The following RYR3 variants were observed in gnomAD, a reference collection of about 807,000 sequenced individuals.
RYR3 encodes brain ryanodine receptor-calcium release channel.
Under a neutral mutation model 584.3 loss-of-function variants are expected in RYR3, and 207 were observed. That is an observed-to-expected ratio of 0.35 (90% confidence interval 0.32 to 0.40). The LOEUF (loss-of-function observed/expected upper bound fraction) is 0.40, where lower values mean the gene tolerates loss of function less well. RYR3 is among the 10% of genes least tolerant of loss of function. The pLI is 1.00. For synonymous variants in RYR3, 2,416 were observed against 2,248.5 expected, an observed-to-expected ratio of 1.07 and a Z score of -2.11; for missense variants, 5,616 against 6,089.2, an observed-to-expected ratio of 0.92 and a Z score of 2.59.
rs1313860534 is a variant in RYR3 at position 33,569,434 on chromosome 15, C to G, written c.1268+2635C>G. 4.6e-5 allele frequency among the ~76,000 whole-genome samples: 7 copies of G among 152,024 alleles called. No individual in the cohort carries two copies. In the East Asian group the frequency reaches 1.3e-3, roughly 29 times the overall value. On this transcript the variant is annotated intron_variant, in intron 12 of 103. Coordinates refer to ENST00000634891, the MANE Select transcript of RYR3 (RefSeq NM_001036.6). Reference sequence around the variant, plus strand: ...CCTGTCCCTCAGCCCCTTATAACTTCTACTTACTCTCTGCTTCTATGAGTT... The same window carrying G: ...CCTGTCCCTCAGCCCCTTATAACTTGTACTTACTCTCTGCTTCTATGAGTT...
intron 2 of RYR3, among the ~76,000 whole-genome samples, chr15:33,474,196 C>G (rs1236114711): frequency 6.6e-6 from 1 of 152,114 alleles, no homozygotes; most frequent in Non-Finnish European, 1.5e-5. Flanking sequence ...CCTCTATATC[C>G]GTCAGGGTTC....
intron 45 of RYR3, among the ~76,000 whole-genome samples, chr15:33,725,975 C>CAA (rs1567033770): frequency 5.0e-4 from 5 of 10,074 alleles, no homozygotes; most frequent in East Asian, 0.026. Flanking sequence ...ATCCCCCCCC[C>CAA]CAAAAAAAAA....
At chr15:33,312,225 C>G (rs1344738416) in intron 1 of RYR3, among the ~76,000 whole-genome samples, 1 of 152,164 alleles carries the variant, frequency 6.6e-6, no homozygotes, top group Admixed American at 6.5e-5. Context: ...TAAGGGTGCC[C>G]CCTTCTCCAT....
At chr15:33,852,952 T>TCCCA in intron 94 of RYR3, 93 bp from the exon 95 acceptor site, 1 of 1,086,718 alleles carries the variant, frequency 9.2e-7, no homozygotes, top group Non-Finnish European at 1.4e-6. Context: ...ACCAGAAAGA[T>TCCCA]CCCAGATCCA....
At chr15:33,757,052 C>G (rs2071911922) in intron 59 of RYR3, among the ~76,000 whole-genome samples, 1 of 152,164 alleles carries the variant, frequency 6.6e-6, no homozygotes, top group Admixed American at 6.5e-5. Context: ...TTAGCAGTCT[C>G]TTCCATACAG....
Position 33,543,656 on chromosome 15 carries a change from C to G in RYR3, c.681C>G (p.Phe227Leu), listed in dbSNP as rs1567495100. Residue 227 changes from phenylalanine to leucine, a missense_variant, in exon 8 of 104, where the codon TTC (phenylalanine) becomes TTG (leucine). Physicochemically the swap from Phe to Leu is conservative, Grantham distance 22 (BLOSUM62 0). Coordinates refer to ENST00000634891, the MANE Select transcript of RYR3 (RefSeq NM_001036.6). ...TTGGTGGGCATGTAGTACGTCTTTT[C>G]CATGGTCATGATGAATGTTTGACGA... ...YLLGGHVVRL[F>L]HGHDECLTIP... The G allele has an allele frequency of 6.2e-7, 1 of 1,612,766 alleles. No homozygotes were observed. Among genetic ancestry groups the G allele is most frequent in the South Asian group, 1.1e-5 (1 of 91,042 alleles).
chr15:33,326,492 A>C (rs1162466199), intron 1 of RYR3, among the ~76,000 whole-genome samples: 1 of 152,234 alleles, frequency 6.6e-6, no homozygotes, highest in African/African-American at 2.4e-5. Context: ...AAAGTTATAC[A>C]TCCTAGAAGG....
intron 16 of RYR3, among the ~76,000 whole-genome samples, chr15:33,588,596 T>C (rs2058972673): frequency 1.3e-5 from 2 of 152,166 alleles, no homozygotes. Flanking sequence ...CAATTTCTCA[T>C]CATTTACCCC....
intron 77 of RYR3, among the ~76,000 whole-genome samples, chr15:33,820,408 C>G (rs2043054): frequency 0.26 from 39,572 of 152,076 alleles, 5,313 homozygotes; most frequent in Middle Eastern, 0.38. Context: ...GCCCTTGGGG[C>G]TGTATCTAGG....
chr15:33,585,737 A>G (rs2643363), intron 15 of RYR3, among the ~76,000 whole-genome samples: 34,055 of 152,204 alleles, frequency 0.22, 4,041 homozygotes, highest in Middle Eastern at 0.4. Context: ...CACAAAGATC[A>G]TGTCTTTGTC....
At chr15:33,696,124 T>C (rs913269472) in intron 38 of RYR3, 94 bp from the exon 39 acceptor site, 16 of 1,224,206 alleles carry the variant, frequency 1.3e-5, no homozygotes, top group Non-Finnish European at 1.8e-5. Flanking sequence ...CCTCAACCAA[T>C]GATGTGTCTT....
At chr15:33,360,449 A>G (rs1235726533) in intron 1 of RYR3, among the ~76,000 whole-genome samples, 1 of 152,212 alleles carries the variant, frequency 6.6e-6, no homozygotes, top group Non-Finnish European at 1.5e-5. Flanking sequence ...GGCATGTACC[A>G]GAAGTTTATT....
At chr15:33,373,774 AG>A (rs1595887440) in intron 1 of RYR3, among the ~76,000 whole-genome samples, 1 of 152,248 alleles carries the variant, frequency 6.6e-6, no homozygotes, top group East Asian at 1.9e-4. Context: ...GCCTTCAAAT[AG>A]CTCCAAAGTG....
intron 1 of RYR3, among the ~76,000 whole-genome samples, chr15:33,327,028 C>A (rs11636599): frequency 6.6e-6 from 1 of 151,238 alleles, no homozygotes; most frequent in Non-Finnish European, 1.5e-5. Flanking sequence ...ACTCCACTGA[C>A]AGAGAACTGG....
chr15:33,853,792 G>C (rs1597040825), intron 96 of RYR3, 110 bp downstream of exon 96: 1 of 1,405,932 alleles, frequency 7.1e-7, no homozygotes, highest in Non-Finnish European at 9.5e-7. Flanking sequence ...CTGTGGTCTG[G>C]CTTAGGTGTT....
In RYR3 at chr15:33,631,254, C is replaced by A; in HGVS notation, c.2828C>A (p.Ala943Asp). The part of the protein sequence containing the change: ...LGCHIAHVNP[A>D]AEEDLKKVKL... The stretch of plus-strand genomic sequence containing the variant: ...TGCCACATTGCTCATGTTAACCCAG[C>A]TGCTGAGGAGGATCTCAAGAAGGTC... The change falls in exon 23 of 104, where the codon GCT (alanine) becomes GAT (aspartate). Residue 943 changes from alanine to aspartate, a missense_variant. Transcript: ENST00000634891. 6.3e-7 allele frequency: 1 copy of A among 1,591,416 alleles called. No individual in the cohort carries two copies. Among genetic ancestry groups the A allele is most frequent in the African/African-American group, 1.3e-5 (1 of 74,684 alleles).
chr15:33,455,990 C>T (rs931263550), intron 1 of RYR3, among the ~76,000 whole-genome samples: 5 of 152,156 alleles, frequency 3.3e-5, no homozygotes, highest in Non-Finnish European at 5.9e-5. Context: ...TTACAGAATA[C>T]TAATCACAAG....
intron 46 of RYR3, among the ~76,000 whole-genome samples, chr15:33,728,132 A>G (rs1448118681): frequency 6.6e-6 from 1 of 152,212 alleles, no homozygotes. Flanking sequence ...TCACTTACTT[A>G]GGTTTCAAAT....
At chr15:33,801,619 A>G (rs202066667) in intron 68 of RYR3, among the ~76,000 whole-genome samples, 1 of 56,892 alleles carries the variant, frequency 1.8e-5, no homozygotes, top group South Asian at 7.9e-4. Context: ...CCAAGAGTCT[A>G]TTTTGTCTTA....
Sources: gnomAD v4.1 joint callset for allele counts (sites outside exome capture counted in the v4.1 genomes callset) on GRCh38, gnomAD v4.1.1 for gene constraint, MANE v1.5 for transcripts, NCBI Gene and HGNC (gene_info 2026-07-23, HGNC 2026-07-21) for gene names.